Variants in CAMK2A observed in about 807,000 individuals in gnomAD.
CAMK2A encodes calcium/calmodulin-dependent protein kinase type II subunit alpha.
In CAMK2A, 7 loss-of-function variants were observed where a neutral mutation model predicts 79.2. The ratio of observed to expected loss-of-function variants is 0.09; its 90% CI spans 0.05 to 0.17. The LOEUF is 0.17. CAMK2A is among the 10% of genes least tolerant of loss of function. The pLI is 1.00. For missense variants in CAMK2A, 214 were observed against 646.4 expected, an observed-to-expected ratio of 0.33 and a Z score of 7.25; for synonymous variants, 242 against 251.7, an observed-to-expected ratio of 0.96 and a Z score of 0.36.
chr5:150,252,155 G>A (rs751756427), intron 7 of CAMK2A, 90 bp from the exon 8 acceptor site: 58 of 990,012 alleles, frequency 5.9e-5, no homozygotes, highest in Non-Finnish European at 8.7e-5. Context: ...GAGGGGATGA[G>A]GATTGCTCTG....
intron 7 of CAMK2A, 112 bp downstream of exon 7, chr5:150,253,332 G>A (rs1191601662): frequency 2.4e-6 from 2 of 816,902 alleles, no homozygotes; most frequent in Admixed American, 1.9e-5. Context: ...AGCCCCGGCT[G>A]GCCCAACAGC....
At chr5:150,279,066 G>A (rs1038820965) in intron 1 of CAMK2A, among the ~76,000 whole-genome samples, 6 of 152,164 alleles carry the variant, frequency 3.9e-5, no homozygotes, top group Non-Finnish European at 7.3e-5. Flanking sequence ...CTGGGGTAAG[G>A]ATGAGGCTCA....
chr5:150,276,972 G>T (rs180681052), intron 1 of CAMK2A, among the ~76,000 whole-genome samples: 2 of 152,162 alleles, frequency 1.3e-5, no homozygotes, highest in African/African-American at 2.4e-5. Flanking sequence ...GCTCACGCCC[G>T]CAATCCCAGC....
At position 150,222,939 on chromosome 5, in the gene CAMK2A, C is replaced by T. The variant is rs373633061; in HGVS notation, c.1466+50G>A. The T allele has an allele frequency of 1.2e-4, 181 of 1,552,898 alleles. No homozygotes were observed. In the African/African-American group the frequency reaches 2.4e-3, roughly 20 times the overall value. On this transcript the variant is annotated intron_variant, in intron 18 of 18. Transcript: ENST00000671881. ...CCCGACGTAACCCCCTCCAGGGCAA[C>T]ACTCCCATCCTTTACATTACCCTGG...
intron 2 of CAMK2A, among the ~76,000 whole-genome samples, chr5:150,266,832 C>T (rs2150296493): frequency 6.6e-6 from 1 of 152,248 alleles, no homozygotes; most frequent in Non-Finnish European, 1.5e-5. Context: ...AACCCTGGCC[C>T]TGAATGGCCC....
At chr5:150,255,373 A>T (rs1756012011) in intron 6 of CAMK2A, among the ~76,000 whole-genome samples, 1 of 151,600 alleles carries the variant, frequency 6.6e-6, no homozygotes, top group Non-Finnish European at 1.5e-5. Context: ...TCTTCAGAGC[A>T]TTGTGCCCCA....
Position 150,224,039 on chromosome 5 carries a change from T to G in CAMK2A, c.1238-822A>C, listed in dbSNP as rs530793892. Among the ~76,000 whole-genome samples, 4 of 152,310 alleles carry G rather than the reference T, an allele frequency of 2.6e-5. No homozygotes were observed. The South Asian group carries it at 8.3e-4, about 32-fold the overall frequency. ...ATGATAAGGATGGTATTGGTGGTCA[T>G]GGGGTGAGGTCATGGGACTTTCCAG... is the stretch of plus-strand genomic sequence containing the variant. On this transcript the variant is annotated intron_variant, in intron 17 of 18. Transcript: ENST00000671881.
In CAMK2A at chr5:150,219,592, G is replaced by T. The variant is rs1458203062; in HGVS notation, c.*3118C>A. 1.0e-5 allele frequency: 1 copy of T among 98,642 alleles called. No individual in the cohort carries two copies. Among genetic ancestry groups the T allele is most frequent in the Admixed American group, 1.6e-4 (1 of 6,432 alleles). 6.1% of individuals were successfully genotyped at this position (98,642 alleles called of 1,614,324 possible). On this transcript the variant is annotated 3_prime_UTR_variant, in exon 19 of 19. Transcript: ENST00000671881. ...CGCCCCCCCCAATAGCAGAAAGTTT[G>T]AGCAGTGTTCATTCAAGTTCACAGC...
chr5:150,241,852 G>A (rs1346207990), intron 13 of CAMK2A, among the ~76,000 whole-genome samples: 3 of 150,550 alleles, frequency 2.0e-5, no homozygotes, highest in Non-Finnish European at 4.4e-5. Context: ...CTCTCCCCTG[G>A]TTGTCCTCCC....
rs1754324954 is a variant in CAMK2A, at chr5:150,221,847, CTA to C, written c.*861_*862del. On this transcript the variant is annotated 3_prime_UTR_variant, in exon 19 of 19. Coordinates refer to ENST00000671881, the MANE Select transcript of CAMK2A (RefSeq NM_015981.4). ...CCCTTCTCACAATAATCTGAGAAGT[CTA>C]GTTATTACATAAATATCCATTAACG... 1 of 378,176 alleles carries C rather than the reference CTA, an allele frequency of 2.6e-6. No individual in the cohort carries two copies. The highest frequency in any genetic ancestry group is 4.7e-6 in the Non-Finnish European group (1 of 214,294). 23.4% of individuals were successfully genotyped at this position (378,176 alleles called of 1,614,324 possible).
intron 18 of CAMK2A, 72 bp downstream of exon 18, chr5:150,222,917 G>T: frequency 6.7e-7 from 1 of 1,489,626 alleles, no homozygotes; most frequent in South Asian, 1.1e-5. Context: ...CAGCTTCCCC[G>T]ACGTAACCCC....
intron 3 of CAMK2A, among the ~76,000 whole-genome samples, chr5:150,258,777 A>G (rs775417508): frequency 3.3e-5 from 5 of 152,128 alleles, no homozygotes; most frequent in Non-Finnish European, 7.4e-5. Context: ...TGGCTGTCGT[A>G]TTTGCACATA....
intron 11 of CAMK2A, among the ~76,000 whole-genome samples, chr5:150,248,482 C>T (rs1428109301): frequency 9.0e-6 from 1 of 111,574 alleles, no homozygotes; most frequent in Non-Finnish European, 1.8e-5. Flanking sequence ...CTATCCCTCC[C>T]CCCTCCCCCC....
At chr5:150,289,980 T>C (rs1041619727), upstream of CAMK2A, 79 of 261,412 alleles carry the variant, frequency 3.0e-4, no homozygotes, top group Admixed American at 1.6e-4. Flanking sequence ...GGGGGTGGGA[T>C]GGACCCAGCA....
At chr5:150,274,864 C>T (rs1274969300) in intron 1 of CAMK2A, among the ~76,000 whole-genome samples, 1 of 152,232 alleles carries the variant, frequency 6.6e-6, no homozygotes, top group East Asian at 1.9e-4. Flanking sequence ...GACATGGCTG[C>T]ACCCATCACA....
Position 150,279,822 on chromosome 5 carries a change from GT to G in CAMK2A, c.63-6664del, listed in dbSNP as rs551879774. Among the ~76,000 whole-genome samples the G allele has an allele frequency of 7.1e-4, 108 of 152,332 alleles. 1 individual carries two copies. The highest frequency in any genetic ancestry group is 2.5e-3 in the African/African-American group (104 of 41,590). On this transcript the variant is annotated intron_variant, in intron 1 of 18. Transcript: ENST00000671881. The stretch of plus-strand genomic sequence containing the variant: ...GGCGCATGGCTGAGAATGTGGGAAC[GT>G]GCTAATGGGCTGTGAAAAGCAAGAT...
At chr5:150,260,289 T>C (rs752345904) in intron 3 of CAMK2A, among the ~76,000 whole-genome samples, 1 of 151,960 alleles carries the variant, frequency 6.6e-6, no homozygotes, top group African/African-American at 2.4e-5. Context: ...ACTCCCTCTC[T>C]ACTAAAAATA....
At chr5:150,224,885 G>A (rs888784161) in intron 17 of CAMK2A, among the ~76,000 whole-genome samples, 6 of 151,898 alleles carry the variant, frequency 4.0e-5, no homozygotes, top group Non-Finnish European at 7.4e-5. Context: ...TTTTGGCCGG[G>A]AGCAGTGACT....
At chr5:150,250,834 T>G (rs1369605324) in intron 9 of CAMK2A, 24 bp from the exon 10 acceptor site, 1 of 1,611,116 alleles carries the variant, frequency 6.2e-7, no homozygotes, top group East Asian at 2.2e-5. Flanking sequence ...AGAGGCCAGG[T>G]TTGCCCAGCC....
Sources: allele counts gnomAD v4.1 joint callset (sites outside exome capture counted in the v4.1 genomes callset), GRCh38; gene constraint gnomAD v4.1.1; transcripts MANE v1.5; gene names NCBI Gene and HGNC (gene_info 2026-07-23, HGNC 2026-07-21).